The following LMO7 variants were observed in gnomAD, a reference collection of about 807,000 sequenced individuals.
The protein encoded by LMO7 is LIM domain 7.
LMO7 carries 120 observed loss-of-function variants against 206.5 expected under a neutral mutation model. The observed-to-expected ratio is 0.58, with a 90% CI of 0.50 to 0.68. LMO7 has a LOEUF of 0.68. LMO7 is among the 30% of genes least tolerant of loss of function. The probability of loss-of-function intolerance (pLI) is 0.00; values close to 1 mark genes in which losing one functional copy is unlikely to be tolerated. For missense variants in LMO7, 1,959 were observed against 1,957.9 expected (o/e 1.00, Z -0.01); for synonymous variants, 706 against 681.5 (o/e 1.04, Z -0.56).
chr13:75,815,602 G>T (rs2056899348), intron 11 of LMO7, among the ~76,000 whole-genome samples: 1 of 152,168 alleles, frequency 6.6e-6, no homozygotes, highest in African/African-American at 2.4e-5. Flanking sequence ...AGGTATGAAT[G>T]GCATTTAAGA....
intron 1 of LMO7, among the ~76,000 whole-genome samples, chr13:75,703,406 G>C (rs2042417393): frequency 6.6e-6 from 1 of 152,132 alleles, no homozygotes; most frequent in Non-Finnish European, 1.5e-5. Context: ...AGAGTTCCCT[G>C]AGTGCTTTCA....
chr13:75,625,320 A>C (rs2033877572), intron 2 of LMO7, among the ~76,000 whole-genome samples: 1 of 152,158 alleles, frequency 6.6e-6, no homozygotes, highest in Non-Finnish European at 1.5e-5. Flanking sequence ...CCAGAGACCT[A>C]TCTCCGCAGA....
intron 1 of LMO7, among the ~76,000 whole-genome samples, chr13:75,653,732 T>C (rs962534269): frequency 6.6e-6 from 1 of 152,216 alleles, no homozygotes; most frequent in African/African-American, 2.4e-5. Context: ...AGGAATACAT[T>C]ACAGGTCTAT....
chr13:75,733,092 G>A (rs1177798506), intron 3 of LMO7, among the ~76,000 whole-genome samples: 1 of 152,150 alleles, frequency 6.6e-6, no homozygotes, highest in African/African-American at 2.4e-5. Context: ...CCCACTTGAG[G>A]AGGCAGTCTC....
At chr13:75,621,478 A>G in exon 1 of LMO7, 1 of 290,048 alleles carries the variant, frequency 3.4e-6, no homozygotes. Flanking sequence ...GGGGCAAAGA[A>G]TGCTGTTTTT....
chr13:75,677,068 T>TTTGGG lies in LMO7; in HGVS notation c.70-36112_70-36111insGGGTT, dbSNP rs544541634. Among the ~76,000 whole-genome samples the TTTGGG allele has an allele frequency of 1.5e-4, 23 of 152,326 alleles. No homozygotes were observed. In the East Asian group the frequency reaches 4.4e-3, roughly 29 times the overall value. On this transcript the variant is annotated intron_variant, in intron 1 of 30. Coordinates refer to ENST00000377534, the MANE Select transcript of LMO7 (RefSeq NM_001306080.2). ...TGATATGGAATGAACCCAAGTATTTTTTCCCCTAGGATTTATTCTTCACAA... is the reference window on the plus strand; with the variant it reads ...TGATATGGAATGAACCCAAGTATTTTTTGGGTTCCCCTAGGATTTATTCTTCACAA...
intron 1 of LMO7, among the ~76,000 whole-genome samples, chr13:75,707,758 A>C (rs1253680512): frequency 6.6e-6 from 1 of 152,110 alleles, no homozygotes; most frequent in African/African-American, 2.4e-5. Context: ...TTTTTAAAAA[A>C]ATATATAAAT....
chr13:75,773,692 G>A (rs1185047258), intron 4 of LMO7, among the ~76,000 whole-genome samples: 1 of 152,074 alleles, frequency 6.6e-6, no homozygotes, highest in Non-Finnish European at 1.5e-5. Context: ...GGCAAGAGAT[G>A]GAAATTAATT....
At chr13:75,709,421 A>C (rs539551949) in intron 1 of LMO7, among the ~76,000 whole-genome samples, 1 of 151,938 alleles carries the variant, frequency 6.6e-6, no homozygotes, top group East Asian at 1.9e-4. Context: ...CCACCAGTGT[A>C]AAAGTGTTCC....
intron 3 of LMO7, among the ~76,000 whole-genome samples, chr13:75,732,292 A>T (rs1486820506): frequency 6.6e-6 from 1 of 152,088 alleles, no homozygotes; most frequent in Non-Finnish European, 1.5e-5. Flanking sequence ...CTTTTCACAT[A>T]GTCCCATATT....
rs932691128 is a variant in LMO7, at chr13:75,853,111, C to G, written c.4384C>G (p.Leu1462Val). The G allele has an allele frequency of 6.2e-7, 1 of 1,606,042 alleles. No individual in the cohort carries two copies. The highest frequency in any genetic ancestry group is 8.5e-7 in the Non-Finnish European group (1 of 1,174,992). ...IMRRGESLDN[L>V]DSPRSNSWRQ... ...TTTCAGAGGCGAATCTTTAGATAACCTGGACTCCCCCCGATCCAATTCTTG... is the reference window on the plus strand; with the variant it reads ...TTTCAGAGGCGAATCTTTAGATAACGTGGACTCCCCCCGATCCAATTCTTG... The change falls in exon 28 of 31, where the codon CTG (leucine) becomes GTG (valine). Residue 1462 changes from leucine to valine, a missense_variant. Coordinates refer to ENST00000377534, the MANE Select transcript of LMO7 (RefSeq NM_001306080.2).
At chr13:75,623,312 C>G (rs1016639614) in exon 2 of LMO7, 1 of 1,420,762 alleles carries the variant, frequency 7.0e-7, no homozygotes, top group Admixed American at 1.7e-5. Context: ...AAGGACTATT[C>G]TCATTAAGGT....
intron 2 of LMO7, chr13:75,627,681 A>G (rs1299483330): frequency 6.6e-6 from 1 of 152,214 alleles, no homozygotes; most frequent in African/African-American, 2.4e-5. Context: ...TACTAAAGAT[A>G]TCCTACGGGA....
At chr13:75,757,189 T>C (rs1015338401) in intron 3 of LMO7, among the ~76,000 whole-genome samples, 1 of 152,110 alleles carries the variant, frequency 6.6e-6, no homozygotes, top group Non-Finnish European at 1.5e-5. Flanking sequence ...CTGTTAACAA[T>C]CAGCCCTGAT....
chr13:75,800,544 G>A lies in LMO7; in HGVS notation c.463-140G>A, dbSNP rs892024730. The A allele has an allele frequency of 8.6e-6, 6 of 695,434 alleles. No homozygotes were observed. The African/African-American group carries it at 9.0e-5, about 10-fold the overall frequency. 43.1% of individuals were successfully genotyped at this position (695,434 alleles called of 1,614,324 possible). On this transcript the variant is annotated intron_variant, in intron 6 of 30. Coordinates refer to ENST00000377534, the MANE Select transcript of LMO7 (RefSeq NM_001306080.2). ...TTCTGTTTTTCATCAGCTTTTTGCT[G>A]TGTCCGACAGAGAAACCTCATGCCT...
chr13:75,717,073 A>G (rs2043598439), intron 2 of LMO7, among the ~76,000 whole-genome samples: 1 of 149,106 alleles, frequency 6.7e-6, no homozygotes, highest in Admixed American at 6.7e-5. Flanking sequence ...CAGTAAGAAC[A>G]CTCTTCTCGG....
At chr13:75,813,370 C>T (rs2120061) in intron 11 of LMO7, among the ~76,000 whole-genome samples, 20,900 of 152,162 alleles carry the variant, frequency 0.14, 1,816 homozygotes, top group Admixed American at 0.22. Flanking sequence ...GCTACCCACA[C>T]AGCCAAATCC....
At chr13:75,810,793 G>A (rs2056276516) in intron 11 of LMO7, among the ~76,000 whole-genome samples, 1 of 152,218 alleles carries the variant, frequency 6.6e-6, no homozygotes, top group South Asian at 2.1e-4. Flanking sequence ...TTCAGTGGCT[G>A]GATGTGTTCC....
chr13:75,742,845 ATT>A (rs1296058040), intron 3 of LMO7, among the ~76,000 whole-genome samples: 1 of 152,270 alleles, frequency 6.6e-6, no homozygotes, highest in Non-Finnish European at 1.5e-5. Context: ...GCCAAAAGCA[ATT>A]GCAACAAAAG....
Sources: gnomAD v4.1 joint callset for allele counts (sites outside exome capture counted in the v4.1 genomes callset) on GRCh38, gnomAD v4.1.1 for gene constraint, MANE v1.5 for transcripts, NCBI Gene and HGNC (gene_info 2026-07-23, HGNC 2026-07-21) for gene names.